The following SLC7A7 variants were observed in gnomAD, a reference collection of about 807,000 sequenced individuals.
SLC7A7 encodes Y+L amino acid transporter 1.
A neutral mutation model predicts 47.9 loss-of-function variants in SLC7A7; 39 were observed. That is an observed-to-expected ratio of 0.81 (90% CI 0.63 to 1.06). The LOEUF (loss-of-function observed/expected upper bound fraction) is 1.06. Ranked by LOEUF, SLC7A7 falls within the 50% of genes least tolerant of loss-of-function variation. SLC7A7 has a pLI of 0.00. For missense variants in SLC7A7, 588 were observed against 632.0 expected, an observed-to-expected ratio of 0.93 and a Z score of 0.75; for synonymous variants, 234 against 242.8, an observed-to-expected ratio of 0.96 and a Z score of 0.34.
upstream of SLC7A7, among the ~76,000 whole-genome samples, chr14:22,819,042 C>T (rs1016637471): frequency 2.0e-5 from 3 of 152,196 alleles, no homozygotes; most frequent in African/African-American, 7.2e-5. Flanking sequence ...GATTCAGAAA[C>T]TGGCAGCAGG....
intron 2 of SLC7A7, among the ~76,000 whole-genome samples, chr14:22,790,535 T>G (rs2038906360): frequency 1.3e-5 from 2 of 152,152 alleles, no homozygotes; most frequent in Admixed American, 1.3e-4. Context: ...AAGGCAGGCA[T>G]CCCTTATGAT....
chr14:22,805,230 G>GT (rs1003491021), intron 2 of SLC7A7, among the ~76,000 whole-genome samples: 1 of 152,276 alleles, frequency 6.6e-6, no homozygotes. Context: ...GCCAGGTGTG[G>GT]TGGTGGGCTC....
At chr14:22,802,178 A>T (rs548914548) in intron 2 of SLC7A7, among the ~76,000 whole-genome samples, 2 of 152,222 alleles carry the variant, frequency 1.3e-5, no homozygotes, top group Admixed American at 6.5e-5. Context: ...CGAGGCAGGC[A>T]GATCACTTGA....
At chr14:22,805,622 G>A (rs10133276) in intron 2 of SLC7A7, among the ~76,000 whole-genome samples, 19,038 of 152,088 alleles carry the variant, frequency 0.13, 1,359 homozygotes, top group South Asian at 0.19. Context: ...GTCGGTAGAG[G>A]TTGGTAGAGG....
intron 2 of SLC7A7, among the ~76,000 whole-genome samples, chr14:22,794,686 A>T (rs556787845): frequency 5.9e-5 from 9 of 152,124 alleles, no homozygotes; most frequent in Non-Finnish European, 8.8e-5. Context: ...CTACGGAAAT[A>T]ACCACACACA....
intron 1 of SLC7A7, among the ~76,000 whole-genome samples, chr14:22,813,817 T>G: frequency 2.5e-5 from 3 of 121,434 alleles, no homozygotes; most frequent in African/African-American, 9.5e-5. Flanking sequence ...TGAGATGGAG[T>G]TTTGCTCTTG....
At chr14:22,776,372 C>T (rs896259288) in intron 4 of SLC7A7, 54 bp from the exon 5 acceptor site, 2 of 1,611,766 alleles carry the variant, frequency 1.2e-6, no homozygotes, top group African/African-American at 2.7e-5. Flanking sequence ...ATCCCTATCT[C>T]TCCTTTAATC....
intron 2 of SLC7A7, among the ~76,000 whole-genome samples, chr14:22,795,419 TTTCTTTCTTTCTTTCTTTC>T (rs2039001367): frequency 6.8e-6 from 1 of 146,766 alleles, no homozygotes; most frequent in African/African-American, 2.5e-5. Flanking sequence ...TCTTTCTTTC[TTTCTTTCTTTCTTTCTTTC>T]TTTCTTTTCT....
intron 2 of SLC7A7, among the ~76,000 whole-genome samples, chr14:22,788,578 C>T (rs976316689): frequency 2.7e-5 from 4 of 150,092 alleles, no homozygotes; most frequent in African/African-American, 5.0e-5. Context: ...GTGGCGGGCA[C>T]CTGTCATCCC....
intron 7 of SLC7A7, among the ~76,000 whole-genome samples, chr14:22,774,805 C>A (rs1230733700): frequency 6.6e-6 from 1 of 152,160 alleles, no homozygotes; most frequent in African/African-American, 2.4e-5. Context: ...CAATAACCCG[C>A]TCTTATCTCC....
At chr14:22,785,910 C>T (rs1031225735) in intron 2 of SLC7A7, among the ~76,000 whole-genome samples, 1 of 151,214 alleles carries the variant, frequency 6.6e-6, no homozygotes, top group African/African-American at 2.4e-5. Flanking sequence ...TAGTCCCAGA[C>T]ACTCAGGAGG....
Position 22,813,130 on chromosome 14 carries a change from T to G in SLC7A7, c.269A>C (p.Tyr90Ser), listed in dbSNP as rs375791337. Reference sequence around the variant, plus strand: ...CTTAATGGTGGTGCCCAGTTCCGCATAACAAAGGGCCCCAAAGACGGAGAA... The same window carrying G: ...CTTAATGGTGGTGCCCAGTTCCGCAGAACAAAGGGCCCCAAAGACGGAGAA... ...GLFSVFGALC[Y>S]AELGTTIKKS... is the part of the protein sequence containing the mutation. Residue 90 changes from tyrosine to serine, a missense_variant, in exon 2 of 10, where the codon TAT (tyrosine) becomes TCT (serine). Physicochemically the swap from Tyr to Ser is moderately radical, Grantham distance 144. Transcript: ENST00000674313. 16 of 1,613,958 alleles carry G rather than the reference T, an allele frequency of 9.9e-6. No individual in the cohort carries two copies. The highest frequency in any genetic ancestry group is 1.3e-5 in the Non-Finnish European group (15 of 1,179,992).
At chr14:22,782,760 C>G (rs931739363) in intron 2 of SLC7A7, among the ~76,000 whole-genome samples, 2 of 149,736 alleles carry the variant, frequency 1.3e-5, no homozygotes, top group South Asian at 4.2e-4. Context: ...CCACACCCGT[C>G]CCTTTTTGTT....
At chr14:22,810,057 AAAAAAAGC>A (rs1566462373) in intron 2 of SLC7A7, among the ~76,000 whole-genome samples, 1 of 150,602 alleles carries the variant, frequency 6.6e-6, no homozygotes, top group Admixed American at 6.6e-5. Context: ...AAAAAAAAAA[AAAAAAAGC>A]AGCAACAGCA....
intron 2 of SLC7A7, among the ~76,000 whole-genome samples, chr14:22,784,147 A>C (rs1250506195): frequency 6.6e-6 from 1 of 152,228 alleles, no homozygotes; most frequent in East Asian, 1.9e-4. Context: ...TATGGAGGCA[A>C]CTGCAAGTTA....
At chr14:22,791,148 T>G (rs2038917813) in intron 2 of SLC7A7, among the ~76,000 whole-genome samples, 1 of 152,218 alleles carries the variant, frequency 6.6e-6, no homozygotes, top group African/African-American at 2.4e-5. Flanking sequence ...CTCTGCTATG[T>G]AGTCTCCAAA....
intron 2 of SLC7A7, among the ~76,000 whole-genome samples, chr14:22,787,905 C>G (rs952945290): frequency 2.0e-5 from 3 of 151,896 alleles, no homozygotes; most frequent in African/African-American, 4.8e-5. Context: ...AACCCCATCT[C>G]TACTAAAAAT....
chr14:22,792,490 G>T (rs1408065621), intron 2 of SLC7A7, among the ~76,000 whole-genome samples: 3 of 152,102 alleles, frequency 2.0e-5, no homozygotes, highest in African/African-American at 7.2e-5. Context: ...TTGAGTGCAG[G>T]ATTGAGCCCA....
intron 2 of SLC7A7, among the ~76,000 whole-genome samples, chr14:22,788,247 G>T (rs957397413): frequency 1.3e-5 from 2 of 151,964 alleles, no homozygotes; most frequent in African/African-American, 4.8e-5. Context: ...AATTTGCCAC[G>T]AACCTCTCCG....
Sources: allele counts gnomAD v4.1 joint callset (sites outside exome capture counted in the v4.1 genomes callset), GRCh38; gene constraint gnomAD v4.1.1; transcripts MANE v1.5; gene names NCBI Gene and HGNC (gene_info 2026-07-23, HGNC 2026-07-21).